Variants in ERBIN observed in about 807,000 individuals in gnomAD.
The protein encoded by ERBIN is erbb2 interacting protein, also known as densin-180-like protein.
Under a neutral mutation model 158.4 loss-of-function variants are expected in ERBIN, and 60 were observed. That is an observed-to-expected ratio of 0.38 (90% CI 0.31 to 0.47). The LOEUF is 0.47. Among genes scored for constraint, ERBIN ranks in the 20% least tolerant of loss-of-function variants. ERBIN has a pLI of 0.99. For missense variants in ERBIN, 1,610 were observed against 1,648.0 expected (o/e 0.98, Z 0.40); for synonymous variants, 594 against 557.2 (o/e 1.07, Z -0.93).
rs200129524 is a variant in ERBIN, at chr5:65,978,348, A to AT, written c.-57-10284dup. ...CTGAGATGTTTGCATTTGTAGTCAT[A>AT]TTTCTAATTGTGGAATGAACGACTT... is the stretch of plus-strand genomic sequence containing the variant. On this transcript the variant is annotated intron_variant, in intron 1 of 25. Coordinates refer to ENST00000284037, the MANE Select transcript of ERBIN (RefSeq NM_001253697.2). Among the ~76,000 whole-genome samples the AT allele has an allele frequency of 8.9e-3, 1,351 of 152,158 alleles. 10 individuals carry two copies. Among genetic ancestry groups the AT allele is most frequent in the Non-Finnish European group, 0.013 (888 of 68,002 alleles).
Position 66,014,773 on chromosome 5 carries a change from T to C in ERBIN, c.533+48T>C, listed in dbSNP as rs774281659. ...AAAAAACTTAATTTATAATTTTTAA[T>C]GATTAAGTCTTTAAAAATGTAAATT... On this transcript the variant is annotated intron_variant, in intron 7 of 25. Transcript: ENST00000284037. 8.7e-6 allele frequency: 8 copies of C among 924,020 alleles called. No homozygotes were observed. In the South Asian group the frequency reaches 1.5e-4, roughly 17 times the overall value. The allele number at this position is 924,020 out of a possible 1,614,324, so 57.2% of individuals were successfully genotyped here. A position where few individuals can be genotyped will look rare whatever the true frequency, so the allele number is the denominator to read the frequency against.
intron 1 of ERBIN, among the ~76,000 whole-genome samples, chr5:65,978,935 T>C (rs1750338765): frequency 6.6e-6 from 1 of 152,192 alleles, no homozygotes; most frequent in South Asian, 2.1e-4. Flanking sequence ...CCCAAGCTTC[T>C]ACTACCTCAG....
In ERBIN at chr5:66,054,136, A is replaced by G. The variant is rs770010911; in HGVS notation, c.2818A>G (p.Thr940Ala). 65 of 1,614,098 alleles carry G rather than the reference A, an allele frequency of 4.0e-5. No individual in the cohort carries two copies. The highest frequency in any genetic ancestry group is 5.9e-6 in the Non-Finnish European group (7 of 1,180,046). ...SSSSSDLISG[T>A]KAIFKFDSNH... The stretch of plus-strand genomic sequence containing the variant: ...CTCATCTTCTGATTTAATATCAGGA[A>G]CAAAGGCAATTTTCAAGTTTGATTC... Residue 940 changes from threonine (T) to alanine (A), a missense_variant, in exon 21 of 26, where the codon ACA becomes GCA. This residue lies in a region of ERBIN where 1,014 missense variants were observed against 936.1 expected (regional missense o/e 1.08). Transcript: ENST00000284037.
At chr5:65,984,870 T>A (rs923172139) in intron 1 of ERBIN, 2 of 151,976 alleles carry the variant, frequency 1.3e-5, no homozygotes, top group African/African-American at 4.8e-5. Flanking sequence ...TCTTGTGATC[T>A]CTTTAGGTAA....
At chr5:66,047,556 T>C (rs975463216) in intron 18 of ERBIN, among the ~76,000 whole-genome samples, 1 of 152,044 alleles carries the variant, frequency 6.6e-6, no homozygotes, top group Non-Finnish European at 1.5e-5. Flanking sequence ...CTTTTTAATA[T>C]GAATATCTGA....
intron 4 of ERBIN, among the ~76,000 whole-genome samples, chr5:66,004,179 A>C (rs980122273): frequency 6.6e-6 from 1 of 150,490 alleles, no homozygotes; most frequent in South Asian, 2.1e-4. Flanking sequence ...TTGTCCTCAA[A>C]CAGTACTCCG....
chr5:66,054,846 G>T lies in ERBIN; in HGVS notation c.3528G>T (p.Arg1176Ser). The T allele has an allele frequency of 6.2e-7, 1 of 1,614,070 alleles. No individual in the cohort carries two copies. The highest frequency in any genetic ancestry group is 8.5e-7 in the Non-Finnish European group (1 of 1,180,004). ...GTCCTTCAAAAAGACCAAATGCAAG[G>T]GTTGGTTCTGAGCATTCTTTATTAG... ...RTSPSKRPNA[R>S]VGSEHSLLDP... Residue 1176 changes from arginine (R) to serine (S), a missense_variant, in exon 21 of 26, where the codon AGG becomes AGT. Transcript: ENST00000284037.
At chr5:66,065,701 C>T (rs1760924104) in intron 21 of ERBIN, among the ~76,000 whole-genome samples, 1 of 140,508 alleles carries the variant, frequency 7.1e-6, no homozygotes, top group Admixed American at 7.3e-5. Context: ...ATTTGTTATC[C>T]CATTTTCCAG....
At chr5:66,047,521 G>T (rs1026654214) in intron 18 of ERBIN, among the ~76,000 whole-genome samples, 1 of 151,944 alleles carries the variant, frequency 6.6e-6, no homozygotes, top group African/African-American at 2.4e-5. Context: ...ACTGCTAGTG[G>T]TAATGTAAAA....
intron 13 of ERBIN, 58 bp from the exon 14 acceptor site, chr5:66,028,216 T>A: frequency 3.7e-6 from 5 of 1,335,224 alleles, no homozygotes; most frequent in Non-Finnish European, 5.3e-6. Flanking sequence ...TGAACCCTCA[T>A]TCATTTTAAA....
chr5:65,985,251 C>G (rs1280779473), intron 1 of ERBIN, among the ~76,000 whole-genome samples: 3 of 152,142 alleles, frequency 2.0e-5, no homozygotes, highest in Non-Finnish European at 2.9e-5. Flanking sequence ...CACCACCATG[C>G]CCAGTTAATT....
chr5:65,979,731 G>C (rs1044213688), intron 1 of ERBIN, among the ~76,000 whole-genome samples: 1 of 152,190 alleles, frequency 6.6e-6, no homozygotes, highest in African/African-American at 2.4e-5. Context: ...CTTAATAGCA[G>C]TTCTATGATA....
chr5:66,052,287 T>C (rs1466577175), intron 20 of ERBIN, among the ~76,000 whole-genome samples: 2 of 152,086 alleles, frequency 1.3e-5, no homozygotes, highest in Non-Finnish European at 2.9e-5. Flanking sequence ...TGTTCTTAAA[T>C]TTCAGGCATA....
chr5:66,056,116 A>G (rs532233052), intron 21 of ERBIN, among the ~76,000 whole-genome samples: 4 of 152,204 alleles, frequency 2.6e-5, no homozygotes, highest in Non-Finnish European at 5.9e-5. Flanking sequence ...TTGTGGAACT[A>G]GATTTTAGAG....
chr5:66,055,105 C>A, intron 21 of ERBIN, 154 bp downstream of exon 21: 2 of 1,403,524 alleles, frequency 1.4e-6, no homozygotes, highest in African/African-American at 2.9e-5. Context: ...TTAAACTCAG[C>A]CAGGACAATT....
Position 66,025,905 on chromosome 5 carries a change from A to T in ERBIN, c.948A>T (p.Ser316=), listed in dbSNP as rs750295561. The part of the protein sequence containing the change: ...CSFNEVEALP[S]SIGQLTNLRT... The stretch of plus-strand genomic sequence containing the variant: ...TCAATGAAGTTGAAGCTTTGCCTTC[A>T]TCTATTGGGCAGCTTACTAACTTAA... The change falls in exon 12 of 26, where the codon TCA becomes TCT. Residue 316 remains serine (S), a synonymous_variant. Transcript: ENST00000284037. 8 of 1,591,820 alleles carry T rather than the reference A, an allele frequency of 5.0e-6. No homozygotes were observed. In the South Asian group the frequency reaches 9.2e-5, roughly 18 times the overall value.
intron 1 of ERBIN, among the ~76,000 whole-genome samples, chr5:65,980,583 A>G (rs115545062): frequency 1.1e-3 from 168 of 152,342 alleles, no homozygotes; most frequent in African/African-American, 3.9e-3. Flanking sequence ...GCTTCCTACA[A>G]ATGGGTACTT....
intron 1 of ERBIN, among the ~76,000 whole-genome samples, chr5:65,982,333 T>G (rs907461764): frequency 6.6e-6 from 1 of 152,150 alleles, no homozygotes; most frequent in Non-Finnish European, 1.5e-5. Flanking sequence ...GAGGGGAAGG[T>G]GGACTCTCTG....
intron 1 of ERBIN, among the ~76,000 whole-genome samples, chr5:65,986,029 TTGC>T (rs1751190291): frequency 6.6e-6 from 1 of 152,194 alleles, no homozygotes; most frequent in African/African-American, 2.4e-5. Flanking sequence ...TCAGTGTCCT[TTGC>T]TGGTCATCTA....
Sources: gnomAD v4.1 joint callset for allele counts (sites outside exome capture counted in the v4.1 genomes callset) on GRCh38, gnomAD v4.1.1 for gene constraint, gnomAD v4.1.1 regional missense constraint, MANE v1.5 for transcripts, NCBI Gene and HGNC (gene_info 2026-07-23, HGNC 2026-07-21) for gene names.